Variants in NEBL observed in about 807,000 individuals in gnomAD.
NEBL encodes nebulette.
A neutral mutation model predicts 140.2 loss-of-function variants in NEBL; 122 were observed. The observed-to-expected ratio is 0.87, with a 90% CI of 0.75 to 1.01. The LOEUF (loss-of-function observed/expected upper bound fraction) is 1.01. Ranked by LOEUF, NEBL falls within the 50% of genes least tolerant of loss-of-function variation. The pLI is 0.00. For synonymous variants in NEBL, 436 were observed against 398.9 expected (o/e 1.09, Z -1.11); for missense variants, 1,365 against 1,231.3 (o/e 1.11, Z -1.62).
At chr10:20,800,630 T>C (rs1034216610) in intron 26 of NEBL, among the ~76,000 whole-genome samples, 4 of 152,128 alleles carry the variant, frequency 2.6e-5, no homozygotes, top group African/African-American at 9.7e-5. Context: ...TATTTTCTAA[T>C]AGGTTTTTCT....
At chr10:20,870,968 T>A (rs1281108518) in intron 5 of NEBL, among the ~76,000 whole-genome samples, 1 of 152,232 alleles carries the variant, frequency 6.6e-6, no homozygotes, top group African/African-American at 2.4e-5. Context: ...CACTTCTTTA[T>A]TTCTTGCGAT....
chr10:21,266,588 G>A (rs1341702831), intron 1 of NEBL, among the ~76,000 whole-genome samples: 1 of 152,228 alleles, frequency 6.6e-6, no homozygotes, highest in Non-Finnish European at 1.5e-5. Context: ...TCCCAGGGTC[G>A]AATCTTAAGA....
intron 2 of NEBL, among the ~76,000 whole-genome samples, chr10:21,051,423 T>C (rs1325567781): frequency 6.6e-6 from 1 of 152,168 alleles, no homozygotes; most frequent in Non-Finnish European, 1.5e-5. Context: ...TGAAGTTAGG[T>C]TGATATGAAT....
intron 1 of NEBL, among the ~76,000 whole-genome samples, chr10:21,281,376 G>T (rs1321423418): frequency 3.3e-5 from 5 of 151,874 alleles, no homozygotes; most frequent in African/African-American, 1.2e-4. Flanking sequence ...TGCCCAGGCT[G>T]GTCTCAAACT....
chr10:21,037,804 C>A (rs577091358), intron 2 of NEBL, among the ~76,000 whole-genome samples: 29 of 140,578 alleles, frequency 2.1e-4, no homozygotes, highest in African/African-American at 7.1e-4. Flanking sequence ...AAAAAACACT[C>A]CCCTAATGAA....
At chr10:20,893,577 A>G (rs776760762) in intron 2 of NEBL, among the ~76,000 whole-genome samples, 2 of 152,150 alleles carry the variant, frequency 1.3e-5, no homozygotes, top group Non-Finnish European at 2.9e-5. Context: ...TGACCTGAAA[A>G]ACGGACATTT....
At chr10:20,878,292 TA>T (rs1358373311) in intron 5 of NEBL, among the ~76,000 whole-genome samples, 1 of 152,164 alleles carries the variant, frequency 6.6e-6, no homozygotes, top group Non-Finnish European at 1.5e-5. Flanking sequence ...GGTGGAAACA[TA>T]AAAAAGTTAG....
At chr10:21,271,477 G>A (rs998810575) in intron 1 of NEBL, among the ~76,000 whole-genome samples, 92 of 151,564 alleles carry the variant, frequency 6.1e-4, no homozygotes, top group African/African-American at 2.2e-3. Flanking sequence ...AGCTATAGTC[G>A]ATAATAATGT....
chr10:20,890,034 G>C, intron 2 of NEBL, 85 bp from the exon 3 acceptor site: 1 of 885,684 alleles, frequency 1.1e-6, no homozygotes, highest in Admixed American at 2.3e-5. Context: ...GGTTGATAAA[G>C]TCCATTTACT....
chr10:20,977,039 T>C (rs1041180714), intron 3 of NEBL, among the ~76,000 whole-genome samples: 5 of 152,086 alleles, frequency 3.3e-5, no homozygotes, highest in African/African-American at 1.2e-4. Context: ...CTGGCATTAA[T>C]AAACCTTGTC....
chr10:21,069,853 T>A (rs1267087203), intron 2 of NEBL: 4 of 382,908 alleles, frequency 1.0e-5, no homozygotes, highest in African/African-American at 8.4e-5. Flanking sequence ...CACAACATTG[T>A]CTTTTACAGA....
chr10:21,009,966 T>A (rs547254782), intron 3 of NEBL, among the ~76,000 whole-genome samples: 3 of 152,194 alleles, frequency 2.0e-5, no homozygotes, highest in Admixed American at 2.0e-4. Flanking sequence ...CCTAGAGTTA[T>A]CTCCAAGAGG....
intron 1 of NEBL, among the ~76,000 whole-genome samples, chr10:21,275,499 G>C (rs1189229833): frequency 6.6e-6 from 1 of 152,198 alleles, no homozygotes; most frequent in Admixed American, 6.5e-5. Context: ...CCACTTTGCA[G>C]GTTTTCCTCC....
rs567321937 is a variant in NEBL at position 21,076,758 on chromosome 10, C to T, written c.165-56557G>A. ...CATTATAATTGAAATCAGCCAGTCA[C>T]AAAAGGACAAATACTTATATGAGCC... On this transcript the variant is annotated intron_variant, in intron 2 of 6. Coordinates refer to the NEBL transcript ENST00000417816. Among the ~76,000 whole-genome samples the T allele has an allele frequency of 5.0e-4, 76 of 152,128 alleles. 1 individual carries two copies. The highest frequency in any genetic ancestry group is 2.7e-3 in the Admixed American group (41 of 15,264).
intron 26 of NEBL, among the ~76,000 whole-genome samples, chr10:20,794,635 G>A (rs1269298687): frequency 2.0e-5 from 3 of 152,126 alleles, no homozygotes; most frequent in Non-Finnish European, 4.4e-5. Flanking sequence ...AAGTATTTAA[G>A]CACTCAGGTG....
At chr10:20,982,801 T>C (rs553301762) in intron 3 of NEBL, among the ~76,000 whole-genome samples, 3 of 152,324 alleles carry the variant, frequency 2.0e-5, no homozygotes, top group Admixed American at 6.5e-5. Flanking sequence ...TAGTGTTGTT[T>C]AGTAATGTCT....
intron 26 of NEBL, among the ~76,000 whole-genome samples, chr10:20,787,994 CTATA>C (rs1174079974): frequency 6.6e-6 from 1 of 152,136 alleles, no homozygotes; most frequent in Admixed American, 6.6e-5. Flanking sequence ...CATTATTCTT[CTATA>C]TTAAAAAAGT....
At chr10:21,046,148 T>C (rs1834504889) in intron 2 of NEBL, among the ~76,000 whole-genome samples, 1 of 152,130 alleles carries the variant, frequency 6.6e-6, no homozygotes, top group Non-Finnish European at 1.5e-5. Context: ...AAATACCACA[T>C]GATCTCACTC....
intron 2 of NEBL, among the ~76,000 whole-genome samples, chr10:21,060,209 G>T (rs921394393): frequency 6.6e-6 from 1 of 152,206 alleles, no homozygotes; most frequent in Non-Finnish European, 1.5e-5. Context: ...TCAGTGTAAA[G>T]CACAGATGGA....
Sources: allele counts gnomAD v4.1 joint callset (sites outside exome capture counted in the v4.1 genomes callset), GRCh38; gene constraint gnomAD v4.1.1; transcripts MANE v1.5; gene names NCBI Gene and HGNC (gene_info 2026-07-23, HGNC 2026-07-21).